Variants in RBFOX1 observed in about 807,000 individuals in gnomAD.
The protein encoded by RBFOX1 is RNA binding fox-1 homolog 1.
Under a neutral mutation model 57.7 loss-of-function variants are expected in RBFOX1, and 8 were observed. The ratio of observed to expected loss-of-function variants is 0.14; its 90% CI spans 0.08 to 0.25. The LOEUF (loss-of-function observed/expected upper bound fraction) is 0.25. Ranked by LOEUF, RBFOX1 falls within the 10% of genes least tolerant of loss-of-function variation. RBFOX1 has a pLI of 1.00. For missense variants in RBFOX1, 611 were observed against 548.5 expected, an observed-to-expected ratio of 1.11 and a Z score of -1.14; for synonymous variants, 326 against 222.4, an observed-to-expected ratio of 1.47 and a Z score of -4.15.
At chr16:6,289,751 C>T (rs1439187486) in intron 1 of RBFOX1, among the ~76,000 whole-genome samples, 1 of 152,088 alleles carries the variant, frequency 6.6e-6, no homozygotes, top group African/African-American at 2.4e-5. Context: ...CCTTCCCAGG[C>T]AATTTGAGCA....
intron 1 of RBFOX1, among the ~76,000 whole-genome samples, chr16:6,088,187 T>C: frequency 6.6e-6 from 1 of 152,142 alleles, no homozygotes. Context: ...TCTTAGTTAC[T>C]TTTTTTCTTT....
At chr16:5,969,268 G>A (rs375020535) in intron 4 of RBFOX1, among the ~76,000 whole-genome samples, 2 of 143,158 alleles carry the variant, frequency 1.4e-5, no homozygotes, top group African/African-American at 5.2e-5. Flanking sequence ...AAATTTGTAT[G>A]AGGTATGCCT....
At chr16:5,311,261 CACAT>C (rs1567317189) in intron 1 of RBFOX1, among the ~76,000 whole-genome samples, 1 of 152,146 alleles carries the variant, frequency 6.6e-6, no homozygotes, top group African/African-American at 2.4e-5. Context: ...CATATACACA[CACAT>C]ATATATTAAT....
intron 3 of RBFOX1, among the ~76,000 whole-genome samples, chr16:6,983,023 G>T (rs1019682802): frequency 7.5e-6 from 1 of 133,610 alleles, no homozygotes; most frequent in African/African-American, 2.7e-5. Flanking sequence ...AAAAAGGAAA[G>T]GTGTCGAACT....
intron 4 of RBFOX1, among the ~76,000 whole-genome samples, chr16:7,348,809 G>T (rs2097070033): frequency 6.6e-6 from 1 of 152,138 alleles, no homozygotes; most frequent in African/African-American, 2.4e-5. Flanking sequence ...AGGGGTGGTG[G>T]CACGTGCTTG....
intron 1 of RBFOX1, among the ~76,000 whole-genome samples, chr16:6,297,128 C>T (rs527289675): frequency 3.2e-4 from 48 of 152,240 alleles, no homozygotes; most frequent in African/African-American, 1.1e-3. Flanking sequence ...GCGGTGAGGA[C>T]CACCAGAAGT....
Position 6,860,081 on chromosome 16 carries a change from G to A in RBFOX1, c.-15-191976G>A, listed in dbSNP as rs576625016. ...GAGGTAAGTGAAGAGAGAGCATTTG[G>A]AATTGTGTACTATTTTTCCTCTTCC... On this transcript the variant is annotated intron_variant, in intron 3 of 15. Coordinates refer to ENST00000550418, the MANE Select transcript of RBFOX1 (RefSeq NM_018723.4). Among the ~76,000 whole-genome samples the A allele has an allele frequency of 5.8e-4, 89 of 152,278 alleles. 1 individual carries two copies. The highest frequency in any genetic ancestry group is 2.1e-3 in the African/African-American group (88 of 41,556).
intron 3 of RBFOX1, among the ~76,000 whole-genome samples, chr16:6,899,716 A>T (rs1470156595): frequency 6.6e-6 from 1 of 152,236 alleles, no homozygotes; most frequent in Non-Finnish European, 1.5e-5. Context: ...TGGAGGCTTC[A>T]TGCATGATGG....
At chr16:7,296,658 C>G (rs2095897822) in intron 4 of RBFOX1, among the ~76,000 whole-genome samples, 1 of 152,160 alleles carries the variant, frequency 6.6e-6, no homozygotes, top group African/African-American at 2.4e-5. Context: ...GGGCATATGG[C>G]TGCTTTTGCT....
In RBFOX1 at chr16:7,241,272, C is replaced by G. The variant is rs182062625; in HGVS notation, c.27+189174C>G. On this transcript the variant is annotated intron_variant, in intron 4 of 15. Transcript: ENST00000550418. ...GAATTCTGGCATCTCAGTCTCGGCA[C>G]TACTATTTATTCTAATTCTCTCAGC... Among the ~76,000 whole-genome samples, 141 of 151,854 alleles carry G rather than the reference C, an allele frequency of 9.3e-4. 1 individual carries two copies. Among genetic ancestry groups the G allele is most frequent in the African/African-American group, 3.3e-3 (138 of 41,208 alleles).
intron 3 of RBFOX1, among the ~76,000 whole-genome samples, chr16:5,826,687 C>G (rs866703342): frequency 6.6e-6 from 1 of 152,246 alleles, no homozygotes; most frequent in Non-Finnish European, 1.5e-5. Flanking sequence ...ATTAGATTCA[C>G]TGCTGTGTTT....
intron 2 of RBFOX1, among the ~76,000 whole-genome samples, chr16:6,591,331 G>A (rs1181492113): frequency 6.6e-6 from 1 of 152,138 alleles, no homozygotes; most frequent in East Asian, 1.9e-4. Context: ...GTGCATGCCT[G>A]TAGTCCCAGC....
intron 2 of RBFOX1, among the ~76,000 whole-genome samples, chr16:6,584,634 G>A (rs1332917863): frequency 3.9e-5 from 6 of 151,980 alleles, no homozygotes; most frequent in African/African-American, 7.2e-5. Flanking sequence ...CTCCCAAAGT[G>A]CTGGGATTAC....
intron 3 of RBFOX1, among the ~76,000 whole-genome samples, chr16:5,606,023 C>T (rs181547401): frequency 6.5e-4 from 99 of 152,256 alleles, no homozygotes; most frequent in Non-Finnish European, 1.0e-3. Context: ...TGGCATTTTC[C>T]TGTCTTACTC....
intron 3 of RBFOX1, among the ~76,000 whole-genome samples, chr16:5,809,049 C>G (rs1042625366): frequency 3.9e-5 from 6 of 152,078 alleles, no homozygotes; most frequent in African/African-American, 1.5e-4. Flanking sequence ...CTTTGACAAA[C>G]CTGAGAAAAA....
chr16:6,727,845 C>T (rs1260696102), intron 3 of RBFOX1, among the ~76,000 whole-genome samples: 2 of 152,110 alleles, frequency 1.3e-5, no homozygotes, highest in African/African-American at 4.8e-5. Flanking sequence ...TGTTCCTCCT[C>T]GGGCATGTTA....
At chr16:5,343,298 G>GT (rs33934959) in intron 1 of RBFOX1, among the ~76,000 whole-genome samples, 78,593 of 109,776 alleles carry the variant, frequency 0.72, 30,101 homozygotes, top group East Asian at 0.89. Context: ...CTTCTTTGAA[G>GT]TTTTTTTTTT....
Position 6,067,013 on chromosome 16 carries a change from G to C in RBFOX1, c.-127+47021G>C, listed in dbSNP as rs73523820. 2.6e-5 allele frequency among the ~76,000 whole-genome samples: 4 copies of C among 152,182 alleles called. No homozygotes were observed. In the East Asian group the frequency reaches 7.8e-4, roughly 30 times the overall value. On this transcript the variant is annotated intron_variant, in intron 1 of 15. Coordinates refer to ENST00000550418, the MANE Select transcript of RBFOX1 (RefSeq NM_018723.4). ...AGGGTGGTGCCTGAACTATCAACAC[G>C]GCACAGTTTAAATGTCAGGCTCTGC... is the stretch of plus-strand genomic sequence containing the variant.
chr16:6,440,762 G>A lies in RBFOX1; in HGVS notation c.-64+123705G>A, dbSNP rs747235376. Among the ~76,000 whole-genome samples the A allele has an allele frequency of 4.7e-5, 7 of 149,208 alleles. No individual in the cohort carries two copies. The South Asian group carries it at 6.4e-4, about 14-fold the overall frequency. ...GTTTCAATGAGCCGAGATCGTGCCA[G>A]TGTGCCTCAGCCTGGGTGACAGAGC... On this transcript the variant is annotated intron_variant, in intron 2 of 15. Coordinates refer to ENST00000550418, the MANE Select transcript of RBFOX1 (RefSeq NM_018723.4).
Sources: gnomAD v4.1 joint callset for allele counts (sites outside exome capture counted in the v4.1 genomes callset) on GRCh38, gnomAD v4.1.1 for gene constraint, MANE v1.5 for transcripts, NCBI Gene and HGNC (gene_info 2026-07-23, HGNC 2026-07-21) for gene names.